ASTN1: variants seen among roughly 807,000 people sequenced by gnomAD.
ASTN1 encodes the protein astrotactin-1.
A neutral mutation model predicts 140.7 loss-of-function variants in ASTN1; 41 were observed. That is an observed-to-expected ratio of 0.29 (90% CI 0.23 to 0.38). ASTN1 has a LOEUF of 0.38. ASTN1 is among the 10% of genes least tolerant of loss of function. The pLI, the probability that ASTN1 is intolerant of heterozygous loss-of-function variation, is 1.00. For missense variants in ASTN1, 1,479 were observed against 1,678.8 expected, an observed-to-expected ratio of 0.88 and a Z score of 2.08; for synonymous variants, 640 against 652.2, an observed-to-expected ratio of 0.98 and a Z score of 0.29.
rs141179974 is a variant in ASTN1 at position 177,078,150 on chromosome 1, A to T, written c.284-16885T>A. 2.4e-3 allele frequency among the ~76,000 whole-genome samples: 361 copies of T among 152,156 alleles called. 1 individual carries two copies. The highest frequency in any genetic ancestry group is 6.9e-3 in the African/African-American group (285 of 41,504). On this transcript the variant is annotated intron_variant, in intron 1 of 22. Coordinates refer to ENST00000361833, the MANE Select transcript of ASTN1 (RefSeq NM_004319.3). ...CCAGGTACGATGGTAGGGAAAGGAG[A>T]GGAAGATGTATGATAGGAGATGGGC...
At chr1:176,953,645 C>T (rs866264910) in intron 11 of ASTN1, among the ~76,000 whole-genome samples, 33 of 152,276 alleles carry the variant, frequency 2.2e-4, no homozygotes, top group Middle Eastern at 6.8e-3. Context: ...TGATGGTCTC[C>T]GCACATCTGT....
intron 8 of ASTN1, among the ~76,000 whole-genome samples, chr1:176,985,843 TCTACACAC>T (rs1673869404): frequency 1.4e-5 from 2 of 138,158 alleles, no homozygotes; most frequent in African/African-American, 2.8e-5. Context: ...TCTCTCTCTC[TCTACACAC>T]ACACACACAC....
At chr1:177,016,973 T>A (rs1174170414) in intron 7 of ASTN1, among the ~76,000 whole-genome samples, 2 of 152,210 alleles carry the variant, frequency 1.3e-5, no homozygotes, top group Admixed American at 6.5e-5. Flanking sequence ...ACTCTTAGAA[T>A]GGTCTCGGCT....
chr1:176,901,618 A>G (rs1669769936), intron 16 of ASTN1, among the ~76,000 whole-genome samples: 1 of 152,174 alleles, frequency 6.6e-6, no homozygotes, highest in South Asian at 2.1e-4. Context: ...AGAGAGTGCC[A>G]ATCTGAACCC....
intron 10 of ASTN1, 65 bp from the exon 11 acceptor site, chr1:176,957,893 T>C (rs1672482826): frequency 1.9e-6 from 3 of 1,540,116 alleles, no homozygotes; most frequent in South Asian, 2.4e-5. Context: ...CAAGTGGCAT[T>C]ACATTCCATG....
intron 1 of ASTN1, among the ~76,000 whole-genome samples, chr1:177,094,668 A>T (rs1679939101): frequency 6.6e-6 from 1 of 152,208 alleles, no homozygotes; most frequent in Admixed American, 6.5e-5. Context: ...CGAACAGACT[A>T]AGACAGAAAA....
chr1:176,959,879 C>T (rs1571569804), intron 9 of ASTN1, among the ~76,000 whole-genome samples: 1 of 152,170 alleles, frequency 6.6e-6, no homozygotes, highest in Non-Finnish European at 1.5e-5. Context: ...ATTCTCCCCA[C>T]TCACAGGAGT....
At chr1:177,115,419 C>G (rs531283921) in intron 1 of ASTN1, among the ~76,000 whole-genome samples, 1 of 152,168 alleles carries the variant, frequency 6.6e-6, no homozygotes, top group African/African-American at 2.4e-5. Flanking sequence ...CACCTATAAT[C>G]CCAGCACTTT....
At chr1:177,034,225 C>T (rs1571685425) in intron 2 of ASTN1, among the ~76,000 whole-genome samples, 1 of 145,148 alleles carries the variant, frequency 6.9e-6, no homozygotes, top group East Asian at 2.1e-4. Context: ...CCCCCTCTCA[C>T]CATCGCTGTG....
intron 8 of ASTN1, among the ~76,000 whole-genome samples, chr1:177,006,266 T>C (rs1328747663): frequency 6.6e-6 from 1 of 152,142 alleles, no homozygotes; most frequent in Non-Finnish European, 1.5e-5. Flanking sequence ...AGAACAAAAA[T>C]ATATACAGAA....
chr1:176,947,417 T>C (rs534305523), intron 12 of ASTN1, among the ~76,000 whole-genome samples: 32 of 152,360 alleles, frequency 2.1e-4, no homozygotes, highest in African/African-American at 7.7e-4. Flanking sequence ...TCTTTAATTA[T>C]AAATGTATGT....
At chr1:177,158,472 A>G (rs1175900293) in intron 1 of ASTN1, among the ~76,000 whole-genome samples, 1 of 152,170 alleles carries the variant, frequency 6.6e-6, no homozygotes, top group East Asian at 1.9e-4. Context: ...TAACTTGCTC[A>G]TAACAGAGCT....
At chr1:176,991,354 A>G (rs1674151163) in intron 8 of ASTN1, among the ~76,000 whole-genome samples, 1 of 145,418 alleles carries the variant, frequency 6.9e-6, no homozygotes, top group South Asian at 2.4e-4. Context: ...CGAAGGTTGC[A>G]GTGAGCCGAG....
chr1:176,934,092 G>T, intron 16 of ASTN1, 60 bp downstream of exon 16: 1 of 1,493,078 alleles, frequency 6.7e-7, no homozygotes, highest in Non-Finnish European at 9.1e-7. Context: ...CTTATAGATT[G>T]TATGCAGGTA....
At chr1:177,140,369 C>T (rs1331867900) in intron 1 of ASTN1, among the ~76,000 whole-genome samples, 2 of 152,072 alleles carry the variant, frequency 1.3e-5, no homozygotes, top group Non-Finnish European at 2.9e-5. Flanking sequence ...AGCCCTGAGC[C>T]TCCTGTAACA....
In ASTN1 at chr1:176,864,139, G is replaced by A; in HGVS notation, c.*145C>T. 1 of 1,490,592 alleles carries A rather than the reference G, an allele frequency of 6.7e-7. No homozygotes were observed. Among genetic ancestry groups the A allele is most frequent in the African/African-American group, 1.4e-5 (1 of 71,610 alleles). The allele number at this position is 1,490,592 out of a possible 1,614,324, so 92.3% of individuals were successfully genotyped here. On this transcript the variant is annotated 3_prime_UTR_variant, in exon 23 of 23. Coordinates refer to ENST00000361833, the MANE Select transcript of ASTN1 (RefSeq NM_004319.3). ...TCATACTGAAGAAGTTCTGCAGGGA[G>A]CAAGGATCACTTTCTCCCTGGTTTC...
intron 1 of ASTN1, among the ~76,000 whole-genome samples, chr1:177,085,637 C>T (rs1020847240): frequency 8.5e-5 from 13 of 152,110 alleles, no homozygotes; most frequent in Admixed American, 5.9e-4. Context: ...CAAAATGCAG[C>T]CCAGGTGGTA....
At chr1:176,958,121 A>G (rs1164330758) in intron 10 of ASTN1, among the ~76,000 whole-genome samples, 1 of 152,150 alleles carries the variant, frequency 6.6e-6, no homozygotes, top group African/African-American at 2.4e-5. Context: ...AGTGCTTACA[A>G]ACTCTAATTT....
intron 1 of ASTN1, among the ~76,000 whole-genome samples, chr1:177,096,627 T>G (rs1001310331): frequency 6.6e-6 from 1 of 152,136 alleles, no homozygotes; most frequent in African/African-American, 2.4e-5. Context: ...CCCCTGCTGT[T>G]GTTCTCTTGA....
Sources: gnomAD v4.1 joint callset for allele counts (sites outside exome capture counted in the v4.1 genomes callset) on GRCh38, gnomAD v4.1.1 for gene constraint, MANE v1.5 for transcripts, NCBI Gene and HGNC (gene_info 2026-07-23, HGNC 2026-07-21) for gene names.